The following ATP13A4 variants were observed in gnomAD, a reference collection of about 807,000 sequenced individuals.
ATP13A4 encodes the protein probable cation-transporting ATPase 13A4.
A neutral mutation model predicts 142.5 loss-of-function variants in ATP13A4; 114 were observed. The ratio of observed to expected loss-of-function variants is 0.80; its 90% CI spans 0.69 to 0.93. The LOEUF is 0.93. Among genes scored for constraint, ATP13A4 ranks in the 40% least tolerant of loss-of-function variants. The pLI is 0.00. For synonymous variants in ATP13A4, 488 were observed against 514.8 expected, an observed-to-expected ratio of 0.95 and a Z score of 0.70; for missense variants, 1,392 against 1,454.0, an observed-to-expected ratio of 0.96 and a Z score of 0.69.
chr3:193,497,628 C>A (rs186850252), intron 3 of ATP13A4, among the ~76,000 whole-genome samples: 61 of 152,076 alleles, frequency 4.0e-4, no homozygotes, highest in Non-Finnish European at 1.0e-4. Context: ...GTGTTTATTG[C>A]AGTACTATTC....
At chr3:193,438,705 G>A in intron 22 of ATP13A4, 121 bp from the exon 23 acceptor site, 3 of 846,304 alleles carry the variant, frequency 3.5e-6, no homozygotes, top group East Asian at 2.6e-5. Flanking sequence ...CTCTAACCAA[G>A]AGACTTAACC....
intron 25 of ATP13A4, among the ~76,000 whole-genome samples, chr3:193,426,828 T>C (rs1715691451): frequency 6.9e-6 from 1 of 144,994 alleles, no homozygotes; most frequent in Non-Finnish European, 1.5e-5. Flanking sequence ...TCATACCACA[T>C]GTAAAAATTA....
At chr3:193,455,210 G>C (rs567572208) in intron 16 of ATP13A4, among the ~76,000 whole-genome samples, 2 of 151,870 alleles carry the variant, frequency 1.3e-5, no homozygotes, top group Non-Finnish European at 2.9e-5. Context: ...GCGAGGTGGC[G>C]GGAGCCCGTA....
intron 5 of ATP13A4, among the ~76,000 whole-genome samples, chr3:193,492,685 A>T (rs985320660): frequency 2.0e-5 from 3 of 152,096 alleles, no homozygotes; most frequent in Admixed American, 6.6e-5. Flanking sequence ...TGAGCCTCAG[A>T]TTTCTCATTT....
intron 1 of ATP13A4, among the ~76,000 whole-genome samples, chr3:193,516,190 A>T (rs546598601): frequency 1.3e-5 from 2 of 152,330 alleles, no homozygotes; most frequent in Admixed American, 1.3e-4. Flanking sequence ...AAAACTTTAA[A>T]TCTATCAACT....
intron 3 of ATP13A4, among the ~76,000 whole-genome samples, chr3:193,497,614 T>C (rs1720316020): frequency 6.6e-6 from 1 of 152,152 alleles, no homozygotes; most frequent in South Asian, 2.1e-4. Context: ...ATATCTGCAC[T>C]CTCGTGTTTA....
chr3:193,555,265 G>A (rs892744163), upstream of ATP13A4: 23 of 251,686 alleles, frequency 9.1e-5, no homozygotes, highest in African/African-American at 5.1e-4. Flanking sequence ...GAATTGGGTT[G>A]AGCGGAAGCG....
chr3:193,483,154 A>G (rs1343107938), intron 8 of ATP13A4, among the ~76,000 whole-genome samples: 1 of 152,244 alleles, frequency 6.6e-6, no homozygotes, highest in Admixed American at 6.5e-5. Context: ...TATATTATAA[A>G]AGACCCAAAG....
At chr3:193,501,307 G>T (rs535337502) in intron 3 of ATP13A4, among the ~76,000 whole-genome samples, 11 of 152,298 alleles carry the variant, frequency 7.2e-5, no homozygotes, top group African/African-American at 2.6e-4. Context: ...AGCTGAGTGG[G>T]TGGGGTGCAG....
chr3:193,536,865 A>C (rs981512987), intron 1 of ATP13A4, among the ~76,000 whole-genome samples: 1 of 152,016 alleles, frequency 6.6e-6, no homozygotes, highest in African/African-American at 2.4e-5. Context: ...TACTACAATC[A>C]CTCCAAAGAA....
chr3:193,488,080 A>AT (rs1165823065), intron 7 of ATP13A4, among the ~76,000 whole-genome samples: 2 of 152,206 alleles, frequency 1.3e-5, no homozygotes, highest in Non-Finnish European at 2.9e-5. Flanking sequence ...CCAGACCAAC[A>AT]TGGTGAAACA....
At chr3:193,438,629 G>A (rs1353337931) in intron 22 of ATP13A4, 45 bp from the exon 23 acceptor site, 14 of 1,505,612 alleles carry the variant, frequency 9.3e-6, no homozygotes, top group Middle Eastern at 1.7e-4. Context: ...ACTCACGTAC[G>A]TCTCTACTAA....
Position 193,450,949 on chromosome 3 carries a change from C to T in ATP13A4, c.2028-2619G>A, listed in dbSNP as rs1717239702. Among the ~76,000 whole-genome samples, 14 of 152,178 alleles carry T rather than the reference C, an allele frequency of 9.2e-5. No homozygotes were observed. The South Asian group carries it at 2.3e-3, about 25-fold the overall frequency. ...TTTGCAGGCAGCAGCGGTTTTCCTG[C>T]ACAGCTCACCACCACTGGAGTATAG... On this transcript the variant is annotated intron_variant, in intron 17 of 29. Transcript: ENST00000342695.
chr3:193,588,804 G>C (rs937854152), intron 1 of ATP13A4, among the ~76,000 whole-genome samples: 6 of 152,026 alleles, frequency 3.9e-5, no homozygotes, highest in African/African-American at 1.4e-4. Flanking sequence ...ACCAAACCAT[G>C]GTTAGTTGAG....
At chr3:193,414,000 G>C (rs1270981565) in intron 26 of ATP13A4, among the ~76,000 whole-genome samples, 1 of 152,024 alleles carries the variant, frequency 6.6e-6, no homozygotes, top group Non-Finnish European at 1.5e-5. Context: ...AGCTCAGATG[G>C]GCATCACGGT....
At chr3:193,454,239 T>C (rs904590817) in intron 16 of ATP13A4, 27 bp from the exon 17 acceptor site, 2 of 1,544,780 alleles carry the variant, frequency 1.3e-6, no homozygotes, top group Non-Finnish European at 1.8e-6. Context: ...ACAGGGTTAG[T>C]ACGCAGTTAT....
intron 2 of ATP13A4, among the ~76,000 whole-genome samples, chr3:193,512,293 C>T (rs890883597): frequency 1.1e-4 from 17 of 152,156 alleles, no homozygotes; most frequent in African/African-American, 2.9e-4. Flanking sequence ...AAGATGGAGT[C>T]TTCCATAGAT....
chr3:193,438,967 G>T, intron 22 of ATP13A4, 56 bp downstream of exon 22: 1 of 1,523,034 alleles, frequency 6.6e-7, no homozygotes, highest in South Asian at 1.1e-5. Context: ...CTACTCTAAA[G>T]GGCTTAAGTG....
chr3:193,526,201 A>T (rs1482330201), intron 1 of ATP13A4, among the ~76,000 whole-genome samples: 6 of 152,200 alleles, frequency 3.9e-5, no homozygotes, highest in Non-Finnish European at 7.3e-5. Flanking sequence ...TGCAATAAAC[A>T]TGCCTATCAA....
Sources: allele counts gnomAD v4.1 joint callset (sites outside exome capture counted in the v4.1 genomes callset), GRCh38; gene constraint gnomAD v4.1.1; transcripts MANE v1.5; gene names NCBI Gene and HGNC (gene_info 2026-07-23, HGNC 2026-07-21).